Variants in SOX6 observed in about 807,000 individuals in gnomAD.
SOX6 encodes the protein SRY-box transcription factor 6, also known as transcription factor SOX-6.
Under a neutral mutation model 97.8 loss-of-function variants are expected in SOX6, and 11 were observed. The ratio of observed to expected loss-of-function variants is 0.11; its 90% CI spans 0.07 to 0.19. The LOEUF is 0.19. SOX6 is among the 10% of genes least tolerant of loss of function. The pLI, the probability that SOX6 is intolerant of heterozygous loss-of-function variation, is 1.00. For synonymous variants in SOX6, 360 were observed against 371.4 expected (o/e 0.97, Z 0.35); for missense variants, 810 against 1,039.5 (o/e 0.78, Z 3.04).
At position 16,654,389 on chromosome 11, in the gene SOX6, C is replaced by T. The variant is rs146200709; in HGVS notation, n.430-42129G>A. ...GGACTCACTTGTTGCCCAGGCTGGT[C>T]TCAAACTCCTGGGCTCAACCAATAC... On this transcript the variant is annotated intron_variant and non_coding_transcript_variant, in intron 3 of 5. Transcript: ENST00000524520. 4.3e-3 allele frequency among the ~76,000 whole-genome samples: 651 copies of T among 152,162 alleles called. 4 individuals carry two copies. Among genetic ancestry groups the T allele is most frequent in the African/African-American group, 0.014 (582 of 41,506 alleles).
chr11:16,197,923 A>G (rs1851826799), intron 4 of SOX6, among the ~76,000 whole-genome samples: 1 of 152,222 alleles, frequency 6.6e-6, no homozygotes, highest in Non-Finnish European at 1.5e-5. Context: ...GTTAATATAC[A>G]TTTGTTCAAC....
At chr11:16,076,735 ATTTTTTTT>A (rs1156737950) in intron 9 of SOX6, among the ~76,000 whole-genome samples, 135 of 94,154 alleles carry the variant, frequency 1.4e-3, no homozygotes, top group African/African-American at 6.5e-3. Context: ...GGTACTACAC[ATTTTTTTT>A]TTTTTTTTTT....
intron 12 of SOX6, among the ~76,000 whole-genome samples, chr11:16,024,020 G>A (rs1000527781): frequency 1.3e-5 from 2 of 152,104 alleles, no homozygotes; most frequent in Non-Finnish European, 2.9e-5. Flanking sequence ...ATTTGGAGAC[G>A]GGGCCTTTAA....
chr11:16,414,900 G>A (rs1858895798), intron 1 of SOX6, among the ~76,000 whole-genome samples: 1 of 152,032 alleles, frequency 6.6e-6, no homozygotes, highest in South Asian at 2.1e-4. Flanking sequence ...AAGCTATTTT[G>A]TAATATTCTA....
intron 1 of SOX6, among the ~76,000 whole-genome samples, chr11:16,366,502 G>A (rs1857361620): frequency 6.6e-6 from 1 of 152,026 alleles, no homozygotes; most frequent in South Asian, 2.1e-4. Flanking sequence ...AATGATAACA[G>A]ATATTGAGAA....
In SOX6 at chr11:15,970,582, C is replaced by T. The variant is rs1853271651; in HGVS notation, c.*2227G>A. On this transcript the variant is annotated 3_prime_UTR_variant, in exon 16 of 16. Coordinates refer to ENST00000683767, the MANE Select transcript of SOX6 (RefSeq NM_001367873.1). Reference sequence around the variant, plus strand: ...ATTTTTTGAGAGAAAAAATGACCTCCTCCTCATTTGAAATAAATGTACAAA... The same window carrying T: ...ATTTTTTGAGAGAAAAAATGACCTCTTCCTCATTTGAAATAAATGTACAAA... 1 of 152,512 alleles carries T rather than the reference C, an allele frequency of 6.6e-6. No individual in the cohort carries two copies. Among genetic ancestry groups the T allele is most frequent in the Non-Finnish European group, 1.5e-5 (1 of 68,016 alleles). The allele number at this position is 152,512 out of a possible 1,614,324, so 9.4% of individuals were successfully genotyped here. A position where few individuals can be genotyped will look rare whatever the true frequency, so the allele number is the denominator to read the frequency against.
chr11:16,668,382 A>G (rs1847823138), intron 3 of SOX6, among the ~76,000 whole-genome samples: 2 of 152,176 alleles, frequency 1.3e-5, no homozygotes, highest in Admixed American at 6.5e-5. Context: ...AAAAAAATCA[A>G]TCAATCAATA....
intron 13 of SOX6, among the ~76,000 whole-genome samples, chr11:16,003,996 T>TG (rs1202110313): frequency 2.0e-5 from 3 of 151,690 alleles, no homozygotes; most frequent in Non-Finnish European, 4.4e-5. Context: ...ATGTAGGGTG[T>TG]GTGTAAATAT....
chr11:16,302,714 C>T (rs939706283), intron 3 of SOX6, among the ~76,000 whole-genome samples: 2 of 151,602 alleles, frequency 1.3e-5, no homozygotes, highest in Non-Finnish European at 2.9e-5. Flanking sequence ...GGATTACAGG[C>T]GTGCGCCACC....
At chr11:16,543,183 T>C (rs1480868812) in intron 4 of SOX6, among the ~76,000 whole-genome samples, 1 of 152,168 alleles carries the variant, frequency 6.6e-6, no homozygotes, top group Non-Finnish European at 1.5e-5. Context: ...AATAGGTGTG[T>C]GCCTTCATGC....
At chr11:16,547,984 T>C (rs1156446349) in intron 4 of SOX6, among the ~76,000 whole-genome samples, 1 of 152,028 alleles carries the variant, frequency 6.6e-6, no homozygotes, top group Non-Finnish European at 1.5e-5. Flanking sequence ...ATCAAATTTA[T>C]GGAAAACAAT....
At chr11:16,427,574 G>A (rs1191110673) in intron 1 of SOX6, among the ~76,000 whole-genome samples, 1 of 151,668 alleles carries the variant, frequency 6.6e-6, no homozygotes, top group African/African-American at 2.4e-5. Flanking sequence ...GTGAGAACAT[G>A]AGGTGTTTGG....
chr11:16,659,807 T>C (rs1228215450), intron 3 of SOX6, among the ~76,000 whole-genome samples: 2 of 152,312 alleles, frequency 1.3e-5, no homozygotes, highest in East Asian at 1.9e-4. Flanking sequence ...TTCTTTTATA[T>C]ACGGGGGCCT....
chr11:16,094,319 G>A (rs908818728), intron 9 of SOX6, among the ~76,000 whole-genome samples: 12 of 151,614 alleles, frequency 7.9e-5, no homozygotes, highest in African/African-American at 2.2e-4. Context: ...GGTTGGGAGT[G>A]GGGGGTGGGA....
chr11:16,130,010 C>T (rs1849701077), intron 6 of SOX6, among the ~76,000 whole-genome samples: 2 of 151,850 alleles, frequency 1.3e-5, no homozygotes, highest in Non-Finnish European at 2.9e-5. Flanking sequence ...AAAGAAGTGA[C>T]ATTTATTTTA....
intron 3 of SOX6, chr11:16,316,103 CAT>C (rs1855752420): frequency 3.6e-5 from 2 of 55,410 alleles, no homozygotes; most frequent in African/African-American, 1.0e-4. Flanking sequence ...ACTTAAAACT[CAT>C]AGGTTTTTTT....
At chr11:16,394,581 G>A (rs1007136912) in intron 1 of SOX6, among the ~76,000 whole-genome samples, 1 of 151,746 alleles carries the variant, frequency 6.6e-6, no homozygotes, top group Non-Finnish European at 1.5e-5. Flanking sequence ...TCTTTTTCAT[G>A]TTTTTATAAC....
intron 11 of SOX6, 101 bp downstream of exon 11, chr11:16,049,654 C>G (rs1161164363): frequency 7.3e-7 from 1 of 1,367,952 alleles, no homozygotes; most frequent in Admixed American, 2.0e-5. Context: ...TTATCTTTTA[C>G]TAAGGAGCAC....
At chr11:16,526,305 A>G (rs1382967228) in intron 4 of SOX6, among the ~76,000 whole-genome samples, 6 of 152,146 alleles carry the variant, frequency 3.9e-5, no homozygotes, top group Admixed American at 2.0e-4. Context: ...ATGCAGCCAT[A>G]AAAAATGATG....
Sources: gnomAD v4.1 joint callset for allele counts (sites outside exome capture counted in the v4.1 genomes callset) on GRCh38, gnomAD v4.1.1 for gene constraint, MANE v1.5 for transcripts, NCBI Gene and HGNC (gene_info 2026-07-23, HGNC 2026-07-21) for gene names.